DCLK3: variants seen among roughly 807,000 people sequenced by gnomAD.
The protein encoded by DCLK3 is doublecortin like kinase 3, also known as serine/threonine-protein kinase DCLK3.
DCLK3 carries 30 observed loss-of-function variants against 46.4 expected under a neutral mutation model. That is an observed-to-expected ratio of 0.65 (90% CI 0.48 to 0.88). DCLK3 has a LOEUF of 0.88. DCLK3 is among the 40% of genes least tolerant of loss of function. The pLI is 0.00. For missense variants in DCLK3, 846 were observed against 907.1 expected (o/e 0.93, Z 0.87); for synonymous variants, 401 against 339.2 (o/e 1.18, Z -2.00).
intron 2 of DCLK3, among the ~76,000 whole-genome samples, chr3:36,734,932 C>A (rs1307304673): frequency 6.6e-6 from 1 of 152,198 alleles, no homozygotes; most frequent in Non-Finnish European, 1.5e-5. Context: ...ACTGATAAAT[C>A]CCTTCACACA....
At chr3:36,761,381 A>T (rs1487211917) in intron 1 of DCLK3, among the ~76,000 whole-genome samples, 1 of 152,212 alleles carries the variant, frequency 6.6e-6, no homozygotes, top group African/African-American at 2.4e-5. Context: ...GCCCCAGGTC[A>T]CCAGGAGGCT....
chr3:36,737,869 G>T lies in DCLK3; in HGVS notation c.1298C>A (p.Thr433Asn). The change falls in exon 2 of 5, where the codon ACC becomes AAC. Residue 433 changes from threonine to asparagine, a missense_variant. Transcript: ENST00000636136. The surrounding 1 kb of genome is among the most constrained non-coding windows in gnomAD (Gnocchi z 4.4). ...ATGTTTGCTCCTGCTCATGGGCCTG[G>T]TGTCCTTCTTCACCTCCCTCAGCCC... is the stretch of plus-strand genomic sequence containing the variant. ...EEGLREVKKDTRPMSRSKHGG... is the reference protein window; with the variant it reads ...EEGLREVKKDNRPMSRSKHGG... The T allele has an allele frequency of 6.2e-7, 1 of 1,613,942 alleles. No individual in the cohort carries two copies. Among genetic ancestry groups the T allele is most frequent in the Non-Finnish European group, 8.5e-7 (1 of 1,180,024 alleles).
intron 4 of DCLK3, among the ~76,000 whole-genome samples, chr3:36,716,522 T>C (rs1700982600): frequency 1.3e-5 from 2 of 152,200 alleles, no homozygotes; most frequent in Non-Finnish European, 2.9e-5. Flanking sequence ...GAAGGCCAGA[T>C]TTAAGTTGAG....
chr3:36,760,976 G>A (rs1031232898), intron 1 of DCLK3, among the ~76,000 whole-genome samples: 1 of 152,208 alleles, frequency 6.6e-6, no homozygotes, highest in Non-Finnish European at 1.5e-5. Flanking sequence ...TGAGGGGCCA[G>A]AGCCCAAATG....
chr3:36,746,396 A>G (rs1232998289), intron 1 of DCLK3, among the ~76,000 whole-genome samples: 2 of 152,196 alleles, frequency 1.3e-5, no homozygotes, highest in Non-Finnish European at 2.9e-5. Context: ...GTACTGCATC[A>G]GTTGTTTACA....
intron 1 of DCLK3, among the ~76,000 whole-genome samples, chr3:36,742,226 A>G (rs1302907816): frequency 6.6e-6 from 1 of 152,138 alleles, no homozygotes; most frequent in African/African-American, 2.4e-5. Flanking sequence ...GGAACTGTAG[A>G]ATCTGAGTGT....
chr3:36,740,661 C>T (rs1344264416), intron 1 of DCLK3, among the ~76,000 whole-genome samples: 4 of 152,146 alleles, frequency 2.6e-5, no homozygotes, highest in Non-Finnish European at 1.5e-5. Context: ...GTTTAATTTC[C>T]TCAATTTCTA....
intron 2 of DCLK3, among the ~76,000 whole-genome samples, chr3:36,734,699 C>A (rs934275716): frequency 2.2e-4 from 34 of 151,998 alleles, no homozygotes; most frequent in Non-Finnish European, 8.8e-5. Flanking sequence ...AGTTTGCCTT[C>A]TCTCCCTCTC....
In DCLK3 at chr3:36,718,027, C is replaced by T; in HGVS notation, c.2243G>A (p.Trp748Ter). Residue 748 changes from tryptophan (W) to a stop codon, truncating the protein, a stop_gained, in exon 4 of 5, where the codon TGG becomes TAG. Transcript: ENST00000636136. LOFTEE classifies it high-confidence loss of function. ...AATCTCACCATCAGAGATATTGTCC[C>T]AGTAAGGGGGGAGGAACTCAAAGTG... is the stretch of plus-strand genomic sequence containing the variant. ...LGHFEFLPPYWDNISDAAKDL... is the reference protein window; with the variant it reads ...LGHFEFLPPY 6.2e-7 allele frequency: 1 copy of T among 1,614,110 alleles called. No homozygotes were observed. Among genetic ancestry groups the T allele is most frequent in the Non-Finnish European group, 8.5e-7 (1 of 1,180,010 alleles).
intron 4 of DCLK3, among the ~76,000 whole-genome samples, chr3:36,716,018 C>T (rs930748880): frequency 6.6e-6 from 1 of 152,186 alleles, no homozygotes; most frequent in Non-Finnish European, 1.5e-5. Context: ...TCAATCTTTC[C>T]AAGTCAATAC....
chr3:36,747,282 C>A (rs1476810294), intron 1 of DCLK3, among the ~76,000 whole-genome samples: 1 of 152,000 alleles, frequency 6.6e-6, no homozygotes, highest in Admixed American at 6.6e-5. Context: ...AAAAATGTTT[C>A]TTTCATATGC....
chr3:36,713,187 C>T lies in DCLK3; in HGVS notation c.*2141G>A, dbSNP rs1445334464. ...GTGATTTTAATTTGCATTTCCCTAG[C>T]CACTAAGGATGCAACTACAGCTTTT... is the stretch of plus-strand genomic sequence containing the variant. On this transcript the variant is annotated 3_prime_UTR_variant, in exon 5 of 5. Transcript: ENST00000636136. 6.6e-6 allele frequency: 1 copy of T among 152,080 alleles called. No individual in the cohort carries two copies. The highest frequency in any genetic ancestry group is 1.5e-5 in the Non-Finnish European group (1 of 68,026). The allele number at this position is 152,080 out of a possible 1,614,324, so 9.4% of individuals were successfully genotyped here. A position where few individuals can be genotyped will look rare whatever the true frequency, so the allele number is the denominator to read the frequency against.
At chr3:36,753,663 C>T (rs558131593) in intron 1 of DCLK3, among the ~76,000 whole-genome samples, 6 of 152,218 alleles carry the variant, frequency 3.9e-5, no homozygotes, top group African/African-American at 1.4e-4. Flanking sequence ...TTCTCAGATG[C>T]TTTATTTTAT....
chr3:36,738,704 T>A lies in DCLK3; in HGVS notation c.463A>T (p.Arg155Trp). ...KLFNLKGREI[R>W]SVSDFFREGD... is the part of the protein sequence containing the mutation. ...TCCCTGAAGAAATCAGAGACGCTCC[T>A]GATTTCCCTGCCCTTGAGGTTAAAC... The change falls in exon 2 of 5, where the codon AGG (arginine) becomes TGG (tryptophan). Residue 155 changes from arginine to tryptophan, a missense_variant. Around this residue, in one of 3 missense-constraint regions of DCLK3, gnomAD observed 553 missense variants for 543.0 expected, o/e 1.02. Coordinates refer to ENST00000636136, the MANE Select transcript of DCLK3 (RefSeq NM_001394672.2). 1 of 1,323,542 alleles carries A rather than the reference T, an allele frequency of 7.6e-7. No homozygotes were observed. The highest frequency in any genetic ancestry group is 9.7e-7 in the Non-Finnish European group (1 of 1,029,746). The allele number at this position is 1,323,542 out of a possible 1,614,324, so 82.0% of individuals were successfully genotyped here.
chr3:36,763,021 G>T (rs1026467194), intron 1 of DCLK3, among the ~76,000 whole-genome samples: 9 of 151,682 alleles, frequency 5.9e-5, no homozygotes, highest in African/African-American at 2.2e-4. Context: ...TATTGCTGTA[G>T]ATGCCTCATT....
chr3:36,764,360 A>C lies in DCLK3; in HGVS notation c.-97T>G. The C allele has an allele frequency of 5.3e-6, 1 of 187,760 alleles. No homozygotes were observed. Among genetic ancestry groups the C allele is most frequent in the Non-Finnish European group, 1.1e-5 (1 of 92,328 alleles). 11.6% of individuals were successfully genotyped at this position (187,760 alleles called of 1,614,324 possible). A position where few individuals can be genotyped will look rare whatever the true frequency, so the allele number is the denominator to read the frequency against. ...AGGCGCGGGAAGGCGGGGCGAGACGAGCAGCCACGAGCCCGCGCCGACTCT... is the reference window on the plus strand; with the variant it reads ...AGGCGCGGGAAGGCGGGGCGAGACGCGCAGCCACGAGCCCGCGCCGACTCT... On this transcript the variant is annotated 5_prime_UTR_variant, in exon 1 of 5. Transcript: ENST00000636136. This position sits in a 1 kb window ranked among gnomAD's most constrained non-coding sequence, Gnocchi z 4.9.
At chr3:36,744,967 G>C (rs1701381068) in intron 1 of DCLK3, among the ~76,000 whole-genome samples, 2 of 152,164 alleles carry the variant, frequency 1.3e-5, no homozygotes, top group Non-Finnish European at 2.9e-5. Flanking sequence ...CCTCTAATAG[G>C]TTTGATGCTC....
At chr3:36,748,913 G>A (rs1229931061) in intron 1 of DCLK3, among the ~76,000 whole-genome samples, 2 of 152,140 alleles carry the variant, frequency 1.3e-5, no homozygotes, top group African/African-American at 4.8e-5. Context: ...CTCTCCAGAT[G>A]CTGCCACCCT....
At chr3:36,727,895 G>A (rs1701144495) in intron 2 of DCLK3, among the ~76,000 whole-genome samples, 1 of 152,192 alleles carries the variant, frequency 6.6e-6, no homozygotes, top group Admixed American at 6.5e-5. Context: ...TTTGGCTTCA[G>A]AACAGTTCCT....
Sources: gnomAD v4.1 joint callset for allele counts (sites outside exome capture counted in the v4.1 genomes callset) on GRCh38, gnomAD v4.1.1 for gene constraint, gnomAD v4.1.1 regional missense constraint, Gnocchi (gnomAD v3.1) non-coding constraint, MANE v1.5 for transcripts, NCBI Gene and HGNC (gene_info 2026-07-23, HGNC 2026-07-21) for gene names.